FDXR: variants seen among roughly 807,000 people sequenced by gnomAD.
The protein encoded by FDXR is NADPH:adrenodoxin oxidoreductase, mitochondrial.
FDXR carries 38 observed loss-of-function variants against 58.3 expected under a neutral mutation model. That is an observed-to-expected ratio of 0.65 (90% CI 0.50 to 0.85). FDXR has a LOEUF of 0.85. Among genes scored for constraint, FDXR ranks in the 40% least tolerant of loss-of-function variants. FDXR has a pLI of 0.00. For missense variants in FDXR, 624 were observed against 671.0 expected, an observed-to-expected ratio of 0.93 and a Z score of 0.77; for synonymous variants, 275 against 273.8, an observed-to-expected ratio of 1.00 and a Z score of -0.04.
chr17:74,872,631 G>T, intron 1 of FDXR: 2 of 895,352 alleles, frequency 2.2e-6, no homozygotes, highest in Non-Finnish European at 3.3e-6. Flanking sequence ...CACACCTGTA[G>T]ATCTCAAAGT....
intron 2 of FDXR, among the ~76,000 whole-genome samples, chr17:74,871,288 C>A (rs1490124669): frequency 6.6e-6 from 1 of 152,242 alleles, no homozygotes; most frequent in African/African-American, 2.4e-5. Flanking sequence ...CCTGGGCAGT[C>A]CAGGCCAGTT....
At position 74,866,840 on chromosome 17, in the gene FDXR, G is replaced by A; in HGVS notation, c.214C>T (p.Pro72Ser). 3 of 1,614,188 alleles carry A rather than the reference G, an allele frequency of 1.9e-6. No homozygotes were observed. The highest frequency in any genetic ancestry group is 2.5e-6 in the Non-Finnish European group (3 of 1,180,042). The stretch of plus-strand genomic sequence containing the variant: ...AAGCGCACCAGGCCAAAGGGCACAG[G>A]CTGTTTCTCGTAGATGTCCACGTGG... Reference protein sequence around the residue: ...QAHVDIYEKQPVPFGLVRFGV... With the variant: ...QAHVDIYEKQSVPFGLVRFGV... The change falls in exon 3 of 12, where the codon CCT (proline) becomes TCT (serine). Residue 72 changes from proline (P) to serine (S), a missense_variant. Transcript: ENST00000293195.
intron 6 of FDXR, 76 bp from the exon 7 acceptor site, chr17:74,865,007 A>C (rs1168577112): frequency 1.2e-6 from 2 of 1,601,486 alleles, no homozygotes; most frequent in Non-Finnish European, 8.5e-7. Flanking sequence ...TCATGTCCCC[A>C]CCGTGGGCCT....
chr17:74,869,860 T>C (rs2038313600), intron 2 of FDXR: 1 of 420,546 alleles, frequency 2.4e-6, no homozygotes, highest in African/African-American at 2.0e-5. Flanking sequence ...ATGGATGGCC[T>C]CACATGGAGC....
chr17:74,865,030 C>T (rs1198763130), intron 6 of FDXR, 99 bp from the exon 7 acceptor site: 4 of 1,567,970 alleles, frequency 2.6e-6, no homozygotes, highest in Non-Finnish European at 3.5e-6. Context: ...AGAAGGCTGG[C>T]GGCTCAAAAT....
intron 6 of FDXR, 108 bp downstream of exon 6, chr17:74,865,611 G>A: frequency 1.4e-6 from 1 of 703,076 alleles, no homozygotes; most frequent in Non-Finnish European, 2.4e-6. Context: ...GGGAAACAGA[G>A]GCACTGAGCC....
intron 2 of FDXR, chr17:74,868,262 C>G: frequency 1.8e-6 from 1 of 567,356 alleles, no homozygotes; most frequent in Non-Finnish European, 3.2e-6. Flanking sequence ...AAACAGGTAG[C>G]CTTGGATGCC....
chr17:74,863,733 C>T (rs2038058010), intron 10 of FDXR, among the ~76,000 whole-genome samples, 163 bp downstream of exon 10: 1 of 152,244 alleles, frequency 6.6e-6, no homozygotes, highest in Non-Finnish European at 1.5e-5. Flanking sequence ...ACTGGAACTT[C>T]TCTCAGGGCC....
In FDXR at chr17:74,865,703, C is replaced by G; in HGVS notation, c.609+16G>C. The G allele has an allele frequency of 6.3e-7, 1 of 1,592,598 alleles. No individual in the cohort carries two copies. The highest frequency in any genetic ancestry group is 8.6e-7 in the Non-Finnish European group (1 of 1,168,818). On this transcript the variant is annotated intron_variant, in intron 6 of 11. Transcript: ENST00000293195. ...GACCCCACCTCCAACCCCGCCAGCC[C>G]TGACCTACCACTCACCTCCAGGTGC...
rs2038153803 is a variant in FDXR at position 74,865,737 on chromosome 17, G to A, written c.591C>T (p.Thr197=). Residue 197 remains threonine (T), a synonymous_variant, in exon 6 of 12, where the codon ACC becomes ACT. Coordinates refer to ENST00000293195, the MANE Select transcript of FDXR (RefSeq NM_024417.5). ...VALDVARILL[T]PPEHLERTDI... ...CACTCACCTCCAGGTGCTCAGGTGGGGTCAGTAGGATGCGGGCCACGTCCA... is the reference window on the plus strand; with the variant it reads ...CACTCACCTCCAGGTGCTCAGGTGGAGTCAGTAGGATGCGGGCCACGTCCA... 4 of 1,611,840 alleles carry A rather than the reference G, an allele frequency of 2.5e-6. No homozygotes were observed. Among genetic ancestry groups the A allele is most frequent in the Admixed American group, 3.3e-5 (2 of 59,908 alleles).
At chr17:74,866,758 C>A (rs1312740586) in intron 3 of FDXR, 26 bp downstream of exon 3, 2 of 1,612,936 alleles carry the variant, frequency 1.2e-6, no homozygotes, top group Admixed American at 3.3e-5. Flanking sequence ...CTCCAAACCC[C>A]AGCCTCCAGG....
At chr17:74,868,263 C>A in intron 2 of FDXR, 1 of 569,032 alleles carries the variant, frequency 1.8e-6, no homozygotes, top group Non-Finnish European at 3.1e-6. Flanking sequence ...AACAGGTAGC[C>A]TTGGATGCCA....
At chr17:74,866,324 C>A in intron 4 of FDXR, 80 bp from the exon 5 acceptor site, 1 of 1,563,976 alleles carries the variant, frequency 6.4e-7, no homozygotes, top group Non-Finnish European at 8.7e-7. Context: ...AGGCTCCCAG[C>A]GGCCTCCTTC....
Position 74,864,844 on chromosome 17 carries a change from G to A in FDXR, c.697C>T (p.Gln233Ter), listed in dbSNP as rs1420886227. 1 of 1,614,012 alleles carries A rather than the reference G, an allele frequency of 6.2e-7. No individual in the cohort carries two copies. Among genetic ancestry groups the A allele is most frequent in the Non-Finnish European group, 8.5e-7 (1 of 1,179,968 alleles). Residue 233 changes from glutamine to a stop codon, truncating the protein, a stop_gained, in exon 7 of 12, where the codon CAA (glutamine) becomes TAA (stop). Transcript: ENST00000293195. LOFTEE classifies it high-confidence loss of function. ...VWLVGRRGPLQVAFTIKELRE... is the reference protein window; with the variant it reads ...VWLVGRRGPL ...AGCACCTTAATGGTGAAGGCCACTT[G>A]CAGGGGTCCACGCCGGCCCACTAGC...
chr17:74,864,195 C>G lies in FDXR; in HGVS notation c.955G>C (p.Asp319His). The change falls in exon 9 of 12, where the codon GAT (aspartate) becomes CAT (histidine). Residue 319 changes from aspartate to histidine, a missense_variant. Coordinates refer to ENST00000293195, the MANE Select transcript of FDXR (RefSeq NM_024417.5). ...RSPQQVLPSP[D>H]GRRAAGVRLA... ...CGGACACCTGCTGCCCGCCGCCCAT[C>G]TGGTGAGGGCAGCACCTGCTGGGGG... The G allele has an allele frequency of 6.2e-7, 1 of 1,612,670 alleles. No individual in the cohort carries two copies. The highest frequency in any genetic ancestry group is 2.2e-5 in the East Asian group (1 of 44,880).
intron 5 of FDXR, 99 bp downstream of exon 5, chr17:74,866,032 A>G: frequency 9.8e-7 from 1 of 1,025,124 alleles, no homozygotes; most frequent in Non-Finnish European, 1.5e-6. Context: ...ACAATGTCAC[A>G]GCTCGCCACT....
At chr17:74,864,380 C>G (rs774700651) in intron 8 of FDXR, 33 bp from the exon 9 acceptor site, 28 of 1,591,078 alleles carry the variant, frequency 1.8e-5, no homozygotes, top group Middle Eastern at 1.7e-4. Context: ...CCAGGCTGTC[C>G]CTGGGCCCCG....
chr17:74,865,794 T>G lies in FDXR; in HGVS notation c.534A>C (p.Thr178=). ...QELEPDLSCD[T]AVILGQGNVA... ...CGTTCCCCTGCCCCAGAATCACGGC[T>G]GTGTCACAGCTCAGGTCTGGCTCCA... The change falls in exon 6 of 12, where the codon ACA becomes ACC. Residue 178 remains threonine, a synonymous_variant. Coordinates refer to ENST00000293195, the MANE Select transcript of FDXR (RefSeq NM_024417.5). 6.2e-7 allele frequency: 1 copy of G among 1,613,664 alleles called. No homozygotes were observed. Among genetic ancestry groups the G allele is most frequent in the Non-Finnish European group, 8.5e-7 (1 of 1,179,912 alleles).
At chr17:74,866,684 A>C (rs2038198330) in intron 3 of FDXR, 100 bp downstream of exon 3, 1 of 1,587,320 alleles carries the variant, frequency 6.3e-7, no homozygotes, top group African/African-American at 1.3e-5. Flanking sequence ...GCATGGGCAC[A>C]GACGGCATGA....
Sources: gnomAD v4.1 joint callset for allele counts (sites outside exome capture counted in the v4.1 genomes callset) on GRCh38, gnomAD v4.1.1 for gene constraint, MANE v1.5 for transcripts, NCBI Gene and HGNC (gene_info 2026-07-23, HGNC 2026-07-21) for gene names.